PPP1R42: variants seen among roughly 807,000 people sequenced by gnomAD.
PPP1R42 encodes the protein protein phosphatase 1 regulatory subunit 42.
A neutral mutation model predicts 31.0 loss-of-function variants in PPP1R42; 34 were observed. The ratio of observed to expected loss-of-function variants is 1.10; its 90% CI spans 0.83 to 1.46. PPP1R42 has a LOEUF of 1.46. Ranked by LOEUF, PPP1R42 falls within the 40% of genes most tolerant of loss-of-function variation. The pLI is 0.00. For missense variants in PPP1R42, 268 were observed against 303.0 expected, an observed-to-expected ratio of 0.88 and a Z score of 0.86; for synonymous variants, 103 against 109.8, an observed-to-expected ratio of 0.94 and a Z score of 0.39.
intron 6 of PPP1R42, chr8:66,984,181 T>C (rs1563417379): frequency 6.3e-7 from 1 of 1,584,338 alleles, no homozygotes; most frequent in Admixed American, 1.7e-5. Context: ...GTCCCAGTAA[T>C]GTTCAGCCCC....
intron 4 of PPP1R42, 70 bp downstream of exon 4, chr8:67,012,888 C>T (rs1452943155): frequency 1.4e-6 from 2 of 1,425,476 alleles, no homozygotes; most frequent in Non-Finnish European, 1.9e-6. Context: ...TATACCTTCA[C>T]CACATTCCTG....
At position 67,012,998 on chromosome 8, in the gene PPP1R42, T is replaced by C. The variant is rs1450450445; in HGVS notation, c.395A>G (p.Glu132Gly). 7 of 1,611,850 alleles carry C rather than the reference T, an allele frequency of 4.3e-6. No homozygotes were observed. The highest frequency in any genetic ancestry group is 5.9e-6 in the Non-Finnish European group (7 of 1,179,234). Residue 132 changes from glutamate (E) to glycine (G), a missense_variant, in exon 4 of 8, where the codon GAA becomes GGA. Physicochemically the swap from Glu to Gly is moderately conservative, Grantham distance 98 (BLOSUM62 -2). Transcript: ENST00000685739. ...AGTTCTTGGATCAAACAGAAGCTTT[T>C]CCCCAAGGGGAAGCCTCTGATTCTC... ...HVENQRLPLG[E>G]KLLFDPRTLH...
Position 67,017,814 on chromosome 8 carries a change from G to A in PPP1R42, c.-67C>T, listed in dbSNP as rs1356129303. The stretch of plus-strand genomic sequence containing the variant: ...GACACCATGTCAAGAAGTAGGTTTA[G>A]GTATTATTTCCAACTTTCTGAAGAT... On this transcript the variant is annotated 5_prime_UTR_variant, in exon 2 of 8. Transcript: ENST00000685739. 2 of 1,446,016 alleles carry A rather than the reference G, an allele frequency of 1.4e-6. No individual in the cohort carries two copies. Among genetic ancestry groups the A allele is most frequent in the African/African-American group, 1.5e-5 (1 of 68,926 alleles). The allele number at this position is 1,446,016 out of a possible 1,614,324, so 89.6% of individuals were successfully genotyped here.
Position 67,013,074 on chromosome 8 carries a change from C to T in PPP1R42, c.319G>A (p.Ala107Thr). 6.2e-7 allele frequency: 1 copy of T among 1,600,794 alleles called. No individual in the cohort carries two copies. Among genetic ancestry groups the T allele is most frequent in the Non-Finnish European group, 8.5e-7 (1 of 1,175,088 alleles). Residue 107 changes from alanine to threonine, a missense_variant, in exon 4 of 8, where the codon GCT (alanine) becomes ACT (threonine). Physicochemically the swap from Ala to Thr is moderately conservative, Grantham distance 58. Coordinates refer to ENST00000685739, the MANE Select transcript of PPP1R42 (RefSeq NM_001364910.1). Reference sequence around the variant, plus strand: ...AATCCTTCTAAACCTTCTATGACAGCAATGTAATTGCCTCCCAGATACCTG... The same window carrying T: ...AATCCTTCTAAACCTTCTATGACAGTAATGTAATTGCCTCCCAGATACCTG... ...EKLYLGGNYI[A>T]VIEGLEGLGE...
intron 7 of PPP1R42, among the ~76,000 whole-genome samples, chr8:66,973,559 G>A (rs1814593627): frequency 2.0e-5 from 3 of 152,268 alleles, no homozygotes; most frequent in Middle Eastern, 3.4e-3. Context: ...GCCTGCCTCA[G>A]CCTCCCAAAG....
chr8:66,981,855 C>T (rs2130923899), intron 7 of PPP1R42, among the ~76,000 whole-genome samples, 194 bp downstream of exon 7: 1 of 152,248 alleles, frequency 6.6e-6, no homozygotes, highest in African/African-American at 2.4e-5. Context: ...TTTACATAAA[C>T]ATTATAGGTG....
At chr8:67,010,920 C>T in intron 4 of PPP1R42, 89 bp from the exon 5 acceptor site, 1 of 1,260,442 alleles carries the variant, frequency 7.9e-7, no homozygotes, top group Non-Finnish European at 1.1e-6. Context: ...AAAGTTTAAG[C>T]TTGATCAGTT....
At chr8:66,969,244 G>A (rs1469766984) in intron 7 of PPP1R42, among the ~76,000 whole-genome samples, 1 of 152,146 alleles carries the variant, frequency 6.6e-6, no homozygotes, top group Non-Finnish European at 1.5e-5. Flanking sequence ...TTCTGAGGCT[G>A]TGTACATTTT....
intron 5 of PPP1R42, among the ~76,000 whole-genome samples, chr8:66,990,611 C>G (rs924219425): frequency 2.6e-5 from 4 of 152,208 alleles, no homozygotes; most frequent in Non-Finnish European, 5.9e-5. Flanking sequence ...TCTATTTCCC[C>G]TGCAGGGCTG....
chr8:66,996,906 C>T (rs796438954), intron 5 of PPP1R42, among the ~76,000 whole-genome samples: 3 of 152,282 alleles, frequency 2.0e-5, no homozygotes, highest in African/African-American at 7.2e-5. Context: ...ATTTCTAGCA[C>T]TTTGGGAGGC....
intron 4 of PPP1R42, 96 bp from the exon 5 acceptor site, chr8:67,010,927 A>G: frequency 8.3e-7 from 1 of 1,197,696 alleles, no homozygotes; most frequent in Non-Finnish European, 1.1e-6. Flanking sequence ...AAGCTTGATC[A>G]GTTCAGGTTG....
intron 6 of PPP1R42, among the ~76,000 whole-genome samples, chr8:66,987,539 A>C (rs972378478): frequency 6.6e-6 from 1 of 151,914 alleles, no homozygotes; most frequent in African/African-American, 2.4e-5. Context: ...CAATCCACCT[A>C]CCGCGGCCTC....
At chr8:66,984,364 T>C in intron 6 of PPP1R42, 3 of 1,308,508 alleles carry the variant, frequency 2.3e-6, no homozygotes, top group South Asian at 1.2e-5. Context: ...GTTAGATGTC[T>C]GTTCATCCCA....
At chr8:66,967,032 A>G (rs1376412429) in intron 7 of PPP1R42, among the ~76,000 whole-genome samples, 2 of 152,094 alleles carry the variant, frequency 1.3e-5, no homozygotes, top group African/African-American at 4.8e-5. Context: ...TCTGGAGTGC[A>G]GTGGCACAAT....
intron 5 of PPP1R42, among the ~76,000 whole-genome samples, chr8:66,993,909 T>C (rs1815261301): frequency 6.6e-6 from 1 of 152,192 alleles, no homozygotes; most frequent in Admixed American, 6.5e-5. Flanking sequence ...ACAGGAATTA[T>C]AGGGAGAAAT....
At chr8:67,016,225 C>A (rs534228719) in intron 2 of PPP1R42, among the ~76,000 whole-genome samples, 1 of 152,128 alleles carries the variant, frequency 6.6e-6, no homozygotes, top group Non-Finnish European at 1.5e-5. Flanking sequence ...TTGCCTGGGG[C>A]ATTAGTATTT....
At chr8:66,981,571 G>T (rs2130923540) in intron 7 of PPP1R42, among the ~76,000 whole-genome samples, 1 of 151,884 alleles carries the variant, frequency 6.6e-6, no homozygotes, top group Non-Finnish European at 1.5e-5. Flanking sequence ...AGTAGAGACA[G>T]GGTTTCATCA....
chr8:67,016,885 TG>T (rs1465633690), intron 2 of PPP1R42, among the ~76,000 whole-genome samples: 2 of 152,188 alleles, frequency 1.3e-5, no homozygotes, highest in African/African-American at 4.8e-5. Flanking sequence ...GTTAAACTTT[TG>T]AAAAACGGTA....
intron 5 of PPP1R42, among the ~76,000 whole-genome samples, chr8:66,996,889 C>T (rs1218107266): frequency 1.3e-5 from 2 of 152,138 alleles, no homozygotes; most frequent in African/African-American, 4.8e-5. Flanking sequence ...CGGTGGCTCA[C>T]ACCTGTATTT....
Sources: gnomAD v4.1 joint callset for allele counts (sites outside exome capture counted in the v4.1 genomes callset) on GRCh38, gnomAD v4.1.1 for gene constraint, MANE v1.5 for transcripts, NCBI Gene and HGNC (gene_info 2026-07-23, HGNC 2026-07-21) for gene names.